Variants in PPFIBP2 observed in about 807,000 individuals in gnomAD.
PPFIBP2 encodes liprin-beta-2.
In PPFIBP2, 118 loss-of-function variants were observed where a neutral mutation model predicts 118.3. The ratio of observed to expected loss-of-function variants is 1.00; its 90% CI spans 0.86 to 1.16. The LOEUF (loss-of-function observed/expected upper bound fraction) is 1.16. PPFIBP2 is among the 50% of genes most tolerant of loss of function. The pLI is 0.00. For missense variants in PPFIBP2, 1,195 were observed against 1,073.1 expected (o/e 1.11, Z -1.59); for synonymous variants, 414 against 397.4 (o/e 1.04, Z -0.50).
chr11:7,543,160 A>G (rs940767617), intron 1 of PPFIBP2, among the ~76,000 whole-genome samples: 13 of 152,200 alleles, frequency 8.5e-5, no homozygotes, highest in Non-Finnish European at 1.6e-4. Flanking sequence ...GGATGCTCCA[A>G]ATGGCTTCTT....
chr11:7,549,379 C>T, intron 1 of PPFIBP2, 61 bp from the exon 2 acceptor site: 1 of 1,439,156 alleles, frequency 6.9e-7, no homozygotes, highest in South Asian at 1.2e-5. Flanking sequence ...TTTTTGCGAT[C>T]TTGTGTGCGT....
chr11:7,554,171 C>G (rs1853311386), intron 2 of PPFIBP2, among the ~76,000 whole-genome samples: 1 of 152,348 alleles, frequency 6.6e-6, no homozygotes, highest in South Asian at 2.1e-4. Context: ...CAAAACACAA[C>G]TGCTTTTCCA....
intron 1 of PPFIBP2, among the ~76,000 whole-genome samples, chr11:7,530,034 A>G (rs946347353): frequency 3.9e-5 from 6 of 152,216 alleles, no homozygotes; most frequent in Admixed American, 1.3e-4. Context: ...AAGGAACTCA[A>G]CATCATGGTT....
At chr11:7,657,879 CT>C (rs926099355), downstream of PPFIBP2, among the ~76,000 whole-genome samples, 3 of 152,260 alleles carry the variant, frequency 2.0e-5, no homozygotes, top group African/African-American at 4.8e-5. Flanking sequence ...TCACCACAAA[CT>C]TGGAGCACCT....
chr11:7,665,817 C>G, the PPFIBP2 span: 1,927 of 1,526,242 alleles, frequency 1.3e-3, 17 homozygotes, highest in African/African-American at 0.024. Flanking sequence ...GAGAACACAA[C>G]GAGGTATACC....
chr11:7,605,848 G>T, intron 5 of PPFIBP2: 1 of 1,420,156 alleles, frequency 7.0e-7, no homozygotes, highest in South Asian at 1.6e-5. Context: ...AACACATTCT[G>T]GATACACGTG....
At chr11:7,559,065 A>G (rs1853990691) in intron 2 of PPFIBP2, among the ~76,000 whole-genome samples, 1 of 152,114 alleles carries the variant, frequency 6.6e-6, no homozygotes, top group Non-Finnish European at 1.5e-5. Context: ...AGTTTGTAAA[A>G]CCGCTCAGGT....
chr11:7,647,950 T>C (rs1853358231), intron 17 of PPFIBP2, among the ~76,000 whole-genome samples: 1 of 152,190 alleles, frequency 6.6e-6, no homozygotes, highest in African/African-American at 2.4e-5. Context: ...TTTGGGTGTT[T>C]TGTTTTTTTT....
At chr11:7,525,684 T>C (rs1461820720) in intron 1 of PPFIBP2, among the ~76,000 whole-genome samples, 1 of 152,232 alleles carries the variant, frequency 6.6e-6, no homozygotes, top group Non-Finnish European at 1.5e-5. Context: ...TGCAAAGTCC[T>C]GCCCTTAGGC....
Position 7,593,153 on chromosome 11 carries a change from G to A in PPFIBP2, c.301G>A (p.Ala101Thr). ...TTAGTCCCAGGTAAACCACCACAGT[G>A]CTGCTAGTAATGAAACCTACCAGGA... ...ESLSQVNHHS[A>T]ASNETYQERL... Residue 101 changes from alanine (A) to threonine (T), a missense_variant, in exon 4 of 24, where the codon GCT (alanine) becomes ACT (threonine). By Grantham distance (58) the Ala-to-Thr change is moderately conservative (BLOSUM62 0). Coordinates refer to ENST00000299492, the MANE Select transcript of PPFIBP2 (RefSeq NM_003621.5). The A allele has an allele frequency of 6.2e-7, 1 of 1,614,050 alleles. No individual in the cohort carries two copies. The highest frequency in any genetic ancestry group is 8.5e-7 in the Non-Finnish European group (1 of 1,179,954).
chr11:7,572,477 T>C (rs1012529653), intron 3 of PPFIBP2, among the ~76,000 whole-genome samples: 1 of 152,242 alleles, frequency 6.6e-6, no homozygotes, highest in Non-Finnish European at 1.5e-5. Context: ...AACCAATGTT[T>C]ATAAATGACC....
chr11:7,648,686 C>A, intron 18 of PPFIBP2, 114 bp from the exon 19 acceptor site: 3 of 1,429,578 alleles, frequency 2.1e-6, no homozygotes, highest in Non-Finnish European at 2.0e-6. Flanking sequence ...CATCCCAGGG[C>A]ACGGTGTGGA....
intron 2 of PPFIBP2, among the ~76,000 whole-genome samples, chr11:7,559,045 A>G (rs1297001249): frequency 1.3e-5 from 2 of 152,170 alleles, no homozygotes; most frequent in Non-Finnish European, 2.9e-5. Flanking sequence ...AGGAGGGCCC[A>G]GGCATCTGGA....
At chr11:7,664,903 T>C in the PPFIBP2 span, among the ~76,000 whole-genome samples, 1 of 151,460 alleles carries the variant, frequency 6.6e-6, no homozygotes, top group African/African-American at 2.4e-5. Flanking sequence ...AGTTTCTGTG[T>C]GTAACCACTC....
At chr11:7,522,429 C>T (rs1446742059) in intron 1 of PPFIBP2, among the ~76,000 whole-genome samples, 2 of 152,114 alleles carry the variant, frequency 1.3e-5, no homozygotes, top group African/African-American at 4.8e-5. Context: ...TCTTGCTTGC[C>T]CTTTATATGT....
chr11:7,607,457 A>G (rs985955723), intron 5 of PPFIBP2, among the ~76,000 whole-genome samples: 1 of 150,602 alleles, frequency 6.6e-6, no homozygotes, highest in Non-Finnish European at 1.5e-5. Context: ...CTGGGGCTCA[A>G]ATGATCCACC....
chr11:7,535,673 A>G (rs1564946960), intron 1 of PPFIBP2, among the ~76,000 whole-genome samples: 1 of 152,168 alleles, frequency 6.6e-6, no homozygotes, highest in Non-Finnish European at 1.5e-5. Context: ...AGAACAGGAC[A>G]TTTTCGGGCC....
intron 3 of PPFIBP2, among the ~76,000 whole-genome samples, chr11:7,587,152 C>A (rs1193907185): frequency 6.6e-6 from 1 of 152,206 alleles, no homozygotes; most frequent in Non-Finnish European, 1.5e-5. Flanking sequence ...AGAATGGAAG[C>A]AAACAGGTGG....
At chr11:7,623,150 T>C (rs540823547) in intron 7 of PPFIBP2, among the ~76,000 whole-genome samples, 1 of 152,324 alleles carries the variant, frequency 6.6e-6, no homozygotes, top group South Asian at 2.1e-4. Context: ...TCCAACATCA[T>C]CCTGATTCCC....
Sources: allele counts gnomAD v4.1 joint callset (sites outside exome capture counted in the v4.1 genomes callset), GRCh38; gene constraint gnomAD v4.1.1; transcripts MANE v1.5; gene names NCBI Gene and HGNC (gene_info 2026-07-23, HGNC 2026-07-21).